The following DCC variants were observed in gnomAD, a reference collection of about 807,000 sequenced individuals.
DCC encodes netrin receptor DCC.
DCC carries 58 observed loss-of-function variants against 172.5 expected under a neutral mutation model. The ratio of observed to expected loss-of-function variants is 0.34; its 90% CI spans 0.27 to 0.42. The LOEUF (loss-of-function observed/expected upper bound fraction) is 0.42. DCC is among the 10% of genes least tolerant of loss of function. DCC has a pLI of 1.00. For missense variants in DCC, 1,740 were observed against 1,791.0 expected, an observed-to-expected ratio of 0.97 and a Z score of 0.51; for synonymous variants, 709 against 644.5, an observed-to-expected ratio of 1.10 and a Z score of -1.52.
intron 9 of DCC, among the ~76,000 whole-genome samples, chr18:53,180,700 C>T (rs537294284): frequency 5.1e-4 from 77 of 152,280 alleles, no homozygotes; most frequent in Non-Finnish European, 9.9e-4. Context: ...GTCTCACTCT[C>T]TTGCCCAGAC....
intron 2 of DCC, among the ~76,000 whole-genome samples, chr18:52,804,323 T>C (rs576809949): frequency 3.9e-4 from 60 of 152,308 alleles, no homozygotes; most frequent in South Asian, 3.9e-3. Context: ...GTCAATATCA[T>C]ACCATTTGTA....
At chr18:52,700,259 T>C (rs2036093436) in intron 1 of DCC, among the ~76,000 whole-genome samples, 2 of 132,768 alleles carry the variant, frequency 1.5e-5, no homozygotes, top group South Asian at 5.0e-4. Flanking sequence ...CACACGCACA[T>C]CCACACTCTT....
chr18:52,886,942 T>C (rs1011187481), intron 2 of DCC, among the ~76,000 whole-genome samples: 1 of 152,198 alleles, frequency 6.6e-6, no homozygotes, highest in African/African-American at 2.4e-5. Context: ...AAACAGGCAT[T>C]GGACTAGATT....
intron 1 of DCC, among the ~76,000 whole-genome samples, chr18:52,376,209 T>C (rs1475779774): frequency 6.6e-6 from 1 of 152,160 alleles, no homozygotes; most frequent in Non-Finnish European, 1.5e-5. Context: ...AAAAGAACAT[T>C]GAGGTCCTCA....
At chr18:52,942,431 T>C (rs571638234) in intron 5 of DCC, among the ~76,000 whole-genome samples, 2 of 152,326 alleles carry the variant, frequency 1.3e-5, no homozygotes, top group South Asian at 2.1e-4. Flanking sequence ...TGTCTTTTAA[T>C]AGCATGTGGG....
chr18:53,197,524 A>C (rs947770150), intron 9 of DCC, among the ~76,000 whole-genome samples: 1 of 151,166 alleles, frequency 6.6e-6, no homozygotes, highest in African/African-American at 2.4e-5. Context: ...TAAATATTCA[A>C]ATGTTCAACT....
At chr18:52,393,079 C>T (rs1986090517) in intron 1 of DCC, among the ~76,000 whole-genome samples, 1 of 152,044 alleles carries the variant, frequency 6.6e-6, no homozygotes, top group Non-Finnish European at 1.5e-5. Context: ...TTTGGAATGT[C>T]CATCAGGGCT....
intron 12 of DCC, among the ~76,000 whole-genome samples, chr18:53,244,261 G>T (rs934277319): frequency 6.6e-6 from 1 of 152,122 alleles, no homozygotes. Context: ...CAGAAGGGAT[G>T]ATGCTCTACT....
At chr18:52,499,063 C>T (rs2030918645) in intron 1 of DCC, among the ~76,000 whole-genome samples, 1 of 152,200 alleles carries the variant, frequency 6.6e-6, no homozygotes, top group Admixed American at 6.6e-5. Flanking sequence ...CCCATTGTCA[C>T]TGTTAACTGC....
At chr18:52,608,689 G>A (rs2034188036) in intron 1 of DCC, among the ~76,000 whole-genome samples, 1 of 152,164 alleles carries the variant, frequency 6.6e-6, no homozygotes, top group Non-Finnish European at 1.5e-5. Flanking sequence ...AATTTTATAG[G>A]TAAGAAAGAT....
At chr18:52,821,471 A>C (rs1247002561) in intron 2 of DCC, among the ~76,000 whole-genome samples, 1 of 152,202 alleles carries the variant, frequency 6.6e-6, no homozygotes, top group Non-Finnish European at 1.5e-5. Flanking sequence ...TCTTTGTAGA[A>C]AACTTTTTTG....
chr18:53,239,235 A>G (rs1331786308), intron 12 of DCC, among the ~76,000 whole-genome samples: 1 of 151,074 alleles, frequency 6.6e-6, no homozygotes, highest in East Asian at 1.9e-4. Context: ...ATGAAAAAAA[A>G]AAAACTCCAG....
intron 1 of DCC, among the ~76,000 whole-genome samples, chr18:52,383,583 A>T (rs145496958): frequency 5.3e-5 from 8 of 151,952 alleles, no homozygotes; most frequent in African/African-American, 1.9e-4. Context: ...TTCATCTTTT[A>T]TGGCTAGTCT....
chr18:52,531,122 TAAAC>T (rs1419917683), intron 1 of DCC, among the ~76,000 whole-genome samples: 10 of 152,246 alleles, frequency 6.6e-5, no homozygotes, highest in African/African-American at 2.4e-4. Flanking sequence ...GCATTGCTTA[TAAAC>T]AGCCTTCTGT....
At chr18:52,846,189 T>A (rs1376189317) in intron 2 of DCC, among the ~76,000 whole-genome samples, 2 of 152,132 alleles carry the variant, frequency 1.3e-5, no homozygotes. Context: ...AAATTTCTCC[T>A]TATGGGCTAC....
At chr18:52,800,015 T>C (rs983409452) in intron 2 of DCC, among the ~76,000 whole-genome samples, 1 of 152,136 alleles carries the variant, frequency 6.6e-6, no homozygotes, top group Non-Finnish European at 1.5e-5. Context: ...TTTTAAGACG[T>C]AGTAGTTGTC....
chr18:52,862,251 A>T (rs571203291), intron 2 of DCC, among the ~76,000 whole-genome samples: 6 of 152,312 alleles, frequency 3.9e-5, no homozygotes, highest in African/African-American at 1.4e-4. Flanking sequence ...GGTCAAAAAG[A>T]CAATTTTAGA....
intron 1 of DCC, among the ~76,000 whole-genome samples, chr18:52,493,509 T>C (rs1267744634): frequency 6.6e-6 from 1 of 152,124 alleles, no homozygotes; most frequent in Non-Finnish European, 1.5e-5. Context: ...ATGTTGGCAA[T>C]ATTTGCATGG....
At chr18:52,582,623 C>A (rs1180730285) in intron 1 of DCC, among the ~76,000 whole-genome samples, 1 of 152,100 alleles carries the variant, frequency 6.6e-6, no homozygotes, top group Non-Finnish European at 1.5e-5. Context: ...TTTTTACTTT[C>A]TTATTCTCCA....
Sources: gnomAD v4.1 joint callset for allele counts (sites outside exome capture counted in the v4.1 genomes callset) on GRCh38, gnomAD v4.1.1 for gene constraint, MANE v1.5 for transcripts, NCBI Gene and HGNC (gene_info 2026-07-23, HGNC 2026-07-21) for gene names.